RSPO2: variants seen among roughly 807,000 people sequenced by gnomAD.
RSPO2 encodes R-spondin 2.
A neutral mutation model predicts 30.9 loss-of-function variants in RSPO2; 14 were observed. The ratio of observed to expected loss-of-function variants is 0.45; its 90% CI spans 0.30 to 0.71. RSPO2 has a LOEUF of 0.71. Ranked by LOEUF, RSPO2 falls within the 30% of genes least tolerant of loss-of-function variation. The pLI, the probability that RSPO2 is intolerant of heterozygous loss-of-function variation, is 0.08. For synonymous variants in RSPO2, 107 were observed against 96.4 expected, an observed-to-expected ratio of 1.11 and a Z score of -0.64; for missense variants, 264 against 301.9, an observed-to-expected ratio of 0.87 and a Z score of 0.93.
chr8:107,903,832 CGAGGAA>C (rs1811552680), intron 5 of RSPO2, among the ~76,000 whole-genome samples: 1 of 151,818 alleles, frequency 6.6e-6, no homozygotes, highest in African/African-American at 2.4e-5. Context: ...TTGCAAATAC[CGAGGAA>C]TTAAGATGGT....
At chr8:108,026,779 T>C (rs1470986932) in intron 2 of RSPO2, among the ~76,000 whole-genome samples, 1 of 152,004 alleles carries the variant, frequency 6.6e-6, no homozygotes, top group Non-Finnish European at 1.5e-5. Flanking sequence ...GGCAGGAGAA[T>C]CGCTTGAACC....
chr8:107,963,299 C>T lies in RSPO2; in HGVS notation c.284-2482G>A, dbSNP rs140387587. 4.6e-5 allele frequency among the ~76,000 whole-genome samples: 7 copies of T among 151,246 alleles called. No individual in the cohort carries two copies. The East Asian group carries it at 1.4e-3, about 29-fold the overall frequency. On this transcript the variant is annotated intron_variant, in intron 3 of 5. Coordinates refer to ENST00000276659, the MANE Select transcript of RSPO2 (RefSeq NM_178565.5). Reference sequence around the variant, plus strand: ...TCTGTAATTCCAACACTTTGGGAGGCCAAGGCAATGCATCACTTGAGCTCA... The same window carrying T: ...TCTGTAATTCCAACACTTTGGGAGGTCAAGGCAATGCATCACTTGAGCTCA...
intron 2 of RSPO2, among the ~76,000 whole-genome samples, chr8:108,040,339 T>A (rs1198439001): frequency 6.6e-6 from 1 of 152,006 alleles, no homozygotes; most frequent in East Asian, 1.9e-4. Flanking sequence ...ACTGAAGGCA[T>A]CTAGACTGGG....
chr8:107,955,153 A>G (rs498232), intron 5 of RSPO2, among the ~76,000 whole-genome samples: 87,610 of 151,866 alleles, frequency 0.58, 26,158 homozygotes, highest in East Asian at 0.7. Context: ...GTGAAACTAC[A>G]CTCCTGGCCT....
At chr8:107,906,086 T>C (rs1428810853) in intron 5 of RSPO2, among the ~76,000 whole-genome samples, 4 of 151,994 alleles carry the variant, frequency 2.6e-5, no homozygotes, top group Non-Finnish European at 4.4e-5. Context: ...GCATTGAGAA[T>C]ATAAAATTGA....
At chr8:108,077,609 T>C (rs1031403) in intron 2 of RSPO2, among the ~76,000 whole-genome samples, 1 of 149,772 alleles carries the variant, frequency 6.7e-6, no homozygotes, top group African/African-American at 2.5e-5. Context: ...AATTATACTA[T>C]ACTCATCGCT....
chr8:108,077,634 A>G (rs1486446242), intron 2 of RSPO2, among the ~76,000 whole-genome samples: 1 of 152,116 alleles, frequency 6.6e-6, no homozygotes, highest in East Asian at 1.9e-4. Context: ...CTACACACAC[A>G]CCCATGTATA....
chr8:107,920,812 G>T (rs1033636912), intron 5 of RSPO2, among the ~76,000 whole-genome samples: 1 of 152,018 alleles, frequency 6.6e-6, no homozygotes, highest in Non-Finnish European at 1.5e-5. Flanking sequence ...ATTACAACTG[G>T]TACATACCTG....
At chr8:107,932,848 G>T (rs1279996613) in intron 5 of RSPO2, among the ~76,000 whole-genome samples, 1 of 152,014 alleles carries the variant, frequency 6.6e-6, no homozygotes. Context: ...TGGCCTGAGG[G>T]ATCAGCTGAA....
chr8:107,941,265 T>C (rs1015941507), intron 5 of RSPO2, among the ~76,000 whole-genome samples: 2 of 152,162 alleles, frequency 1.3e-5, no homozygotes, highest in South Asian at 2.1e-4. Flanking sequence ...ATCACTTTCC[T>C]ACATTCTTCA....
chr8:107,903,966 A>T (rs1811556714), intron 5 of RSPO2, among the ~76,000 whole-genome samples: 1 of 152,122 alleles, frequency 6.6e-6, no homozygotes, highest in Non-Finnish European at 1.5e-5. Flanking sequence ...AGAATACTAA[A>T]ATACAACGTA....
At chr8:107,959,600 A>G (rs967814916) in intron 4 of RSPO2, among the ~76,000 whole-genome samples, 1 of 152,222 alleles carries the variant, frequency 6.6e-6, no homozygotes, top group African/African-American at 2.4e-5. Flanking sequence ...CAGGGAATGC[A>G]TAAGACTCTA....
chr8:108,066,119 A>G (rs1239528673), intron 2 of RSPO2, among the ~76,000 whole-genome samples: 2 of 152,242 alleles, frequency 1.3e-5, no homozygotes, highest in African/African-American at 4.8e-5. Context: ...TACAAGGGCC[A>G]AATCTAAGTG....
chr8:107,904,152 T>G (rs1330858496), intron 5 of RSPO2, among the ~76,000 whole-genome samples: 4 of 152,072 alleles, frequency 2.6e-5, no homozygotes, highest in Non-Finnish European at 5.9e-5. Context: ...GCTTAATTTC[T>G]TTACCTCTGT....
intron 5 of RSPO2, among the ~76,000 whole-genome samples, chr8:107,950,607 C>T (rs542529850): frequency 2.0e-5 from 3 of 152,048 alleles, no homozygotes; most frequent in African/African-American, 4.8e-5. Context: ...TCTTGACAAG[C>T]TCAACTATTT....
chr8:108,042,237 A>C (rs1159368166), intron 2 of RSPO2, among the ~76,000 whole-genome samples: 1 of 152,100 alleles, frequency 6.6e-6, no homozygotes. Context: ...TATTGAGCTA[A>C]GGGTGAGGAA....
At chr8:108,001,047 C>G (rs1815228721) in intron 2 of RSPO2, among the ~76,000 whole-genome samples, 1 of 150,774 alleles carries the variant, frequency 6.6e-6, no homozygotes, top group Non-Finnish European at 1.5e-5. Context: ...AAAAAATTAG[C>G]CAGGCGTGGT....
At chr8:107,981,387 G>C (rs1814425940) in intron 3 of RSPO2, among the ~76,000 whole-genome samples, 1 of 151,768 alleles carries the variant, frequency 6.6e-6, no homozygotes, top group African/African-American at 2.4e-5. Flanking sequence ...CAGGCATCGT[G>C]GCGTGCGCCT....
chr8:107,989,281 G>A (rs949109873), intron 2 of RSPO2, 37 bp from the exon 3 acceptor site: 4 of 1,416,824 alleles, frequency 2.8e-6, no homozygotes, highest in Admixed American at 5.0e-5. Flanking sequence ...TTAATTATCA[G>A]TATAATCAGA....
Sources: allele counts gnomAD v4.1 joint callset (sites outside exome capture counted in the v4.1 genomes callset), GRCh38; gene constraint gnomAD v4.1.1; transcripts MANE v1.5; gene names NCBI Gene and HGNC (gene_info 2026-07-23, HGNC 2026-07-21).